The following SRFBP1 variants were observed in gnomAD, a reference collection of about 807,000 sequenced individuals.
SRFBP1 encodes serum response factor binding protein 1.
In SRFBP1, 47 loss-of-function variants were observed where a neutral mutation model predicts 45.5. The ratio of observed to expected loss-of-function variants is 1.03; its 90% CI spans 0.82 to 1.32. The LOEUF (loss-of-function observed/expected upper bound fraction) is 1.32, where lower values mean the gene tolerates loss of function less well. Among genes scored for constraint, SRFBP1 ranks in the 40% most tolerant of loss-of-function variants. SRFBP1 has a pLI of 0.00. For synonymous variants in SRFBP1, 203 were observed against 166.3 expected, an observed-to-expected ratio of 1.22 and a Z score of -1.70; for missense variants, 621 against 484.6, an observed-to-expected ratio of 1.28 and a Z score of -2.64.
At chr5:121,973,062 A>G (rs1233843685) in intron 1 of SRFBP1, among the ~76,000 whole-genome samples, 1 of 151,912 alleles carries the variant, frequency 6.6e-6, no homozygotes, top group Admixed American at 6.6e-5. Context: ...AGCCTTAAAG[A>G]AACAGGATGA....
At chr5:121,982,576 A>G (rs1197926844) in intron 3 of SRFBP1, among the ~76,000 whole-genome samples, 1 of 151,906 alleles carries the variant, frequency 6.6e-6, no homozygotes, top group African/African-American at 2.4e-5. Context: ...GATAGTATGT[A>G]TTGTCTGTTT....
chr5:121,981,445 G>A (rs983126896), intron 3 of SRFBP1, among the ~76,000 whole-genome samples: 1 of 151,694 alleles, frequency 6.6e-6, no homozygotes, highest in African/African-American at 2.4e-5. Flanking sequence ...TGACCTTTCT[G>A]AAATGCATAT....
intron 2 of SRFBP1, among the ~76,000 whole-genome samples, chr5:122,055,219 G>A (rs1312030923): frequency 6.6e-6 from 1 of 152,174 alleles, no homozygotes; most frequent in Admixed American, 6.5e-5. Flanking sequence ...CTCACATGGT[G>A]GAAGGGGCAA....
At chr5:122,022,306 GT>G in intron 6 of SRFBP1, 63 bp from the exon 7 acceptor site, 5 of 1,415,536 alleles carry the variant, frequency 3.5e-6, no homozygotes, top group East Asian at 2.3e-5. Flanking sequence ...ATTTTGTTAT[GT>G]TTTTTTCTTA....
At chr5:122,054,291 C>G (rs1203003604) in intron 2 of SRFBP1, among the ~76,000 whole-genome samples, 1 of 152,160 alleles carries the variant, frequency 6.6e-6, no homozygotes, top group Non-Finnish European at 1.5e-5. Flanking sequence ...GAGCATGAAT[C>G]CCCCTAGAGG....
intron 4 of SRFBP1, among the ~76,000 whole-genome samples, chr5:121,999,271 G>C (rs1342141824): frequency 2.0e-5 from 3 of 151,994 alleles, no homozygotes; most frequent in Admixed American, 2.0e-4. Context: ...CAGACCGTTA[G>C]GGGTTTTCCA....
chr5:122,019,456 A>G (rs1753258165), intron 5 of SRFBP1, 115 bp downstream of exon 5: 4 of 845,372 alleles, frequency 4.7e-6, no homozygotes, highest in Non-Finnish European at 7.1e-6. Context: ...TTTCTTTCAA[A>G]TATTTACCAG....
intron 4 of SRFBP1, among the ~76,000 whole-genome samples, chr5:122,001,177 A>T (rs201214977): frequency 6.6e-6 from 1 of 151,932 alleles, no homozygotes; most frequent in Admixed American, 6.5e-5. Flanking sequence ...ATACTTTAAA[A>T]TATACTATGA....
chr5:122,070,487 T>C lies in SRFBP1; in HGVS notation n.312-4828T>C, dbSNP rs770708362. On this transcript the variant is annotated intron_variant and non_coding_transcript_variant, in intron 2 of 2. Coordinates refer to the SRFBP1 transcript ENST00000504881. Reference sequence around the variant, plus strand: ...TCAATATATGATATATTTTCAAAGGTCTTTACCTTTAGGATATAGTTTCCA... The same window carrying C: ...TCAATATATGATATATTTTCAAAGGCCTTTACCTTTAGGATATAGTTTCCA... 4.0e-6 allele frequency: 6 copies of C among 1,504,812 alleles called. No homozygotes were observed. The African/African-American group carries it at 8.3e-5, about 21-fold the overall frequency. 93.2% of individuals were successfully genotyped at this position (1,504,812 alleles called of 1,614,324 possible).
At chr5:122,029,965 G>A (rs1308372261), downstream of SRFBP1, among the ~76,000 whole-genome samples, 2 of 152,016 alleles carry the variant, frequency 1.3e-5, no homozygotes, top group Non-Finnish European at 2.9e-5. Context: ...TACCATTATC[G>A]AGGATATATT....
At chr5:121,976,718 G>A (rs1440020055) in intron 3 of SRFBP1, among the ~76,000 whole-genome samples, 2 of 150,634 alleles carry the variant, frequency 1.3e-5, no homozygotes, top group East Asian at 3.9e-4. Context: ...TGGAAAGAAT[G>A]CAGTGTGTGT....
At position 122,072,882 on chromosome 5, in the gene SRFBP1, G is replaced by A. The variant is rs3805443; in HGVS notation, n.312-2433G>A. Among the ~76,000 whole-genome samples the A allele has an allele frequency of 4.9e-3, 741 of 152,192 alleles. 17 individuals carry two copies. Among genetic ancestry groups the A allele is most frequent in the East Asian group, 0.046 (237 of 5,176 alleles). ...CCAGAGTGCCTCTTTTTGTAAATGGGGCAAATAAACTCTAGGTCCCTTGCA... is the reference window on the plus strand; with the variant it reads ...CCAGAGTGCCTCTTTTTGTAAATGGAGCAAATAAACTCTAGGTCCCTTGCA... On this transcript the variant is annotated intron_variant and non_coding_transcript_variant, in intron 2 of 2. Transcript: ENST00000504881.
chr5:121,969,750 C>G (rs552107662), intron 1 of SRFBP1, among the ~76,000 whole-genome samples: 1 of 151,890 alleles, frequency 6.6e-6, no homozygotes, highest in Non-Finnish European at 1.5e-5. Flanking sequence ...TTTGGAAGAC[C>G]CTTGGCTTGG....
chr5:121,977,152 T>A (rs894314243), intron 3 of SRFBP1, among the ~76,000 whole-genome samples: 2 of 152,146 alleles, frequency 1.3e-5, no homozygotes, highest in Non-Finnish European at 1.5e-5. Context: ...GATTACCACA[T>A]CACTATCGTG....
At chr5:122,016,197 C>T (rs933721647) in intron 4 of SRFBP1, among the ~76,000 whole-genome samples, 4 of 152,176 alleles carry the variant, frequency 2.6e-5, no homozygotes, top group Non-Finnish European at 5.9e-5. Context: ...ACCTAAGTCT[C>T]CTGTCACCAT....
intron 6 of SRFBP1, among the ~76,000 whole-genome samples, chr5:122,021,612 C>G (rs909666124): frequency 6.7e-6 from 1 of 149,338 alleles, no homozygotes; most frequent in African/African-American, 2.5e-5. Context: ...AAAAGCTGCA[C>G]TTTTTTCCAC....
chr5:121,997,411 G>A (rs1752752680), intron 4 of SRFBP1, among the ~76,000 whole-genome samples: 1 of 151,636 alleles, frequency 6.6e-6, no homozygotes, highest in Non-Finnish European at 1.5e-5. Context: ...ACAAGCAATG[G>A]GGAAAGGATT....
chr5:122,065,780 G>C (rs975156631), intron 2 of SRFBP1: 38 of 152,038 alleles, frequency 2.5e-4, no homozygotes, highest in African/African-American at 9.2e-4. Flanking sequence ...TTGAGAGACA[G>C]TTGTGGTTTG....
At chr5:122,063,748 T>C (rs1754227699) in intron 2 of SRFBP1, 2 of 151,980 alleles carry the variant, frequency 1.3e-5, no homozygotes, top group Non-Finnish European at 2.9e-5. Context: ...AATTCAGTAT[T>C]TTCATGCAAT....
Sources: gnomAD v4.1 joint callset for allele counts (sites outside exome capture counted in the v4.1 genomes callset) on GRCh38, gnomAD v4.1.1 for gene constraint, MANE v1.5 for transcripts, NCBI Gene and HGNC (gene_info 2026-07-23, HGNC 2026-07-21) for gene names.